Variants in CREG2 observed in about 807,000 individuals in gnomAD.
CREG2 encodes protein CREG2.
Under a neutral mutation model 26.2 loss-of-function variants are expected in CREG2, and 24 were observed. That is an observed-to-expected ratio of 0.92 (90% confidence interval 0.66 to 1.29). The LOEUF (loss-of-function observed/expected upper bound fraction) is 1.29. Among genes scored for constraint, CREG2 ranks in the 50% most tolerant of loss-of-function variants. CREG2 has a pLI of 0.00. For synonymous variants in CREG2, 174 were observed against 169.2 expected, an observed-to-expected ratio of 1.03 and a Z score of -0.22; for missense variants, 366 against 398.6, an observed-to-expected ratio of 0.92 and a Z score of 0.70.
intron 2 of CREG2, chr2:101,376,140 A>T (rs1269552587): frequency 6.5e-6 from 1 of 153,924 alleles, no homozygotes; most frequent in Admixed American, 6.5e-5. Flanking sequence ...TATTGAAGGA[A>T]AGGGAAACTG....
In CREG2 at chr2:101,348,326, T is replaced by A. The variant is rs1007860253; in HGVS notation, c.*2597A>T. 4 of 152,366 alleles carry A rather than the reference T, an allele frequency of 2.6e-5. No homozygotes were observed. The highest frequency in any genetic ancestry group is 9.6e-5 in the African/African-American group (4 of 41,586). 9.4% of individuals were successfully genotyped at this position (152,366 alleles called of 1,614,324 possible). A position where few individuals can be genotyped will look rare whatever the true frequency, so the allele number is the denominator to read the frequency against. On this transcript the variant is annotated 3_prime_UTR_variant, in exon 4 of 4. Coordinates refer to ENST00000324768, the MANE Select transcript of CREG2 (RefSeq NM_153836.4). ...AACTTTTAAAATAAGCTTGTATAGG[T>A]CTACAAAATCCTTGTTGAGATTTTG...
rs1342636498 is a variant in CREG2 at position 101,349,459 on chromosome 2, G to GA, written c.*1463dup. 1.3e-5 allele frequency: 2 copies of GA among 152,536 alleles called. No homozygotes were observed. Among genetic ancestry groups the GA allele is most frequent in the African/African-American group, 4.8e-5 (2 of 41,420 alleles). 9.4% of individuals were successfully genotyped at this position (152,536 alleles called of 1,614,324 possible). On this transcript the variant is annotated 3_prime_UTR_variant, in exon 4 of 4. Transcript: ENST00000324768. The stretch of plus-strand genomic sequence containing the variant: ...TCATTAATAACACTCTTATTTACTT[G>GA]AAAAATGTATATTTCCTACATATAG...
At chr2:101,355,137 G>C in intron 3 of CREG2, 116 bp downstream of exon 3, 2 of 686,924 alleles carry the variant, frequency 2.9e-6, no homozygotes, top group Non-Finnish European at 5.2e-6. Context: ...TATTCCCACC[G>C]AAGGGCAGTG....
chr2:101,357,874 G>A (rs1684484632), intron 2 of CREG2, among the ~76,000 whole-genome samples: 1 of 151,422 alleles, frequency 6.6e-6, no homozygotes, highest in African/African-American at 2.4e-5. Context: ...CTACTTGGGA[G>A]GCTGAGGCGG....
At chr2:101,374,577 T>G (rs1684760212) in intron 2 of CREG2, among the ~76,000 whole-genome samples, 1 of 152,252 alleles carries the variant, frequency 6.6e-6, no homozygotes, top group Non-Finnish European at 1.5e-5. Flanking sequence ...CCCTGGGCTT[T>G]GAAATGCACA....
chr2:101,354,973 C>T (rs766137397), intron 3 of CREG2, among the ~76,000 whole-genome samples: 8 of 151,846 alleles, frequency 5.3e-5, no homozygotes, highest in Non-Finnish European at 8.8e-5. Context: ...ACGAGGAAGG[C>T]TCAGCTATTT....
chr2:101,387,222 TG>T lies in CREG2; in HGVS notation c.235del (p.His79ThrfsTer97). ...GGGCCGCAGGTGCGCGTCCTCCTTG[TG>T]GGCAGAGGCGGGGAAGCTTTGCTGC... ...IWQQSFPASA[H>X]KEDAHLRPRA... On this transcript the variant is annotated frameshift_variant, in exon 1 of 4. Transcript: ENST00000324768. LOFTEE classifies it high-confidence loss of function. The surrounding 1 kb of genome is among the most constrained non-coding windows in gnomAD (Gnocchi z 4.7). 7.1e-7 allele frequency: 1 copy of T among 1,413,862 alleles called. No individual in the cohort carries two copies. 87.6% of individuals were successfully genotyped at this position (1,413,862 alleles called of 1,614,324 possible).
intron 2 of CREG2, among the ~76,000 whole-genome samples, chr2:101,362,426 T>C (rs1376269683): frequency 6.6e-6 from 1 of 152,204 alleles, no homozygotes; most frequent in Non-Finnish European, 1.5e-5. Flanking sequence ...TGAGCTTACT[T>C]TTCTATTTCT....
At chr2:101,386,944 G>T in intron 1 of CREG2, 73 bp downstream of exon 1, 1 of 1,221,302 alleles carries the variant, frequency 8.2e-7, no homozygotes, top group South Asian at 4.1e-5. Flanking sequence ...GCGGTCGCGA[G>T]CACGTCCCTG....
intron 2 of CREG2, among the ~76,000 whole-genome samples, chr2:101,366,016 C>G (rs1684611973): frequency 6.6e-6 from 1 of 152,120 alleles, no homozygotes; most frequent in Non-Finnish European, 1.5e-5. Flanking sequence ...AGTTATTATT[C>G]CCCAGTTTAC....
intron 2 of CREG2, among the ~76,000 whole-genome samples, chr2:101,361,884 CA>C (rs1376879806): frequency 3.3e-5 from 5 of 152,054 alleles, no homozygotes; most frequent in Admixed American, 3.3e-4. Flanking sequence ...TGCATGCTGT[CA>C]ATTGGTGAGA....
At chr2:101,371,905 G>A (rs1047502941) in intron 2 of CREG2, among the ~76,000 whole-genome samples, 1 of 152,268 alleles carries the variant, frequency 6.6e-6, no homozygotes, top group Admixed American at 6.5e-5. Flanking sequence ...AAATCGGTGA[G>A]GGAACTCTAG....
intron 2 of CREG2, among the ~76,000 whole-genome samples, chr2:101,374,732 C>CT (rs974117887): frequency 6.6e-5 from 10 of 152,204 alleles, no homozygotes; most frequent in African/African-American, 2.4e-4. Flanking sequence ...AAATCCAGTT[C>CT]TAGGGGAACA....
At position 101,350,656 on chromosome 2, in the gene CREG2, G is replaced by C. The variant is rs1444052409; in HGVS notation, c.*267C>G. The C allele has an allele frequency of 3.1e-6, 1 of 323,102 alleles. No individual in the cohort carries two copies. The highest frequency in any genetic ancestry group is 2.1e-5 in the African/African-American group (1 of 46,968). 20.0% of individuals were successfully genotyped at this position (323,102 alleles called of 1,614,324 possible). A position where few individuals can be genotyped will look rare whatever the true frequency, so the allele number is the denominator to read the frequency against. The stretch of plus-strand genomic sequence containing the variant: ...TCATTTTGACCACCAGCTATTATAT[G>C]ATTTCTGAATCGATGAGTCTGGATT... On this transcript the variant is annotated 3_prime_UTR_variant, in exon 4 of 4. Transcript: ENST00000324768.
At chr2:101,351,106 C>T in intron 3 of CREG2, 36 bp from the exon 4 acceptor site, 7 of 1,605,804 alleles carry the variant, frequency 4.4e-6, no homozygotes, top group Non-Finnish European at 5.1e-6. Flanking sequence ...TAAAGCTGCT[C>T]TTATCAGAGA....
At chr2:101,374,215 T>C (rs1031382395) in intron 2 of CREG2, among the ~76,000 whole-genome samples, 9 of 152,152 alleles carry the variant, frequency 5.9e-5, no homozygotes, top group East Asian at 1.9e-4. Context: ...CCATCTCAAC[T>C]AAAAATACAA....
chr2:101,376,576 G>A (rs947825779), intron 2 of CREG2, among the ~76,000 whole-genome samples: 1 of 152,110 alleles, frequency 6.6e-6, no homozygotes, highest in African/African-American at 2.4e-5. Flanking sequence ...CACCTCACCT[G>A]GCCCAGAATT....
In CREG2 at chr2:101,386,646, G is replaced by T. The variant is rs187262502; in HGVS notation, c.441+371C>A. Among the ~76,000 whole-genome samples, 185 of 152,172 alleles carry T rather than the reference G, an allele frequency of 1.2e-3. 1 individual carries two copies. In the East Asian group the frequency reaches 0.034, roughly 28 times the overall value. On this transcript the variant is annotated intron_variant, in intron 1 of 3. Transcript: ENST00000324768. ...GTCTATGGGTTTGTGCCCTGCGCTGGGAAGGGCTGTCCCCGCCTACTCTGC... is the reference window on the plus strand; with the variant it reads ...GTCTATGGGTTTGTGCCCTGCGCTGTGAAGGGCTGTCCCCGCCTACTCTGC...
Position 101,374,745 on chromosome 2 carries a change from T to A in CREG2, c.611+8788A>T, listed in dbSNP as rs1684763883. Among the ~76,000 whole-genome samples the A allele has an allele frequency of 3.3e-5, 5 of 152,340 alleles. No individual in the cohort carries two copies. The South Asian group carries it at 1.0e-3, about 32-fold the overall frequency. Reference sequence around the variant, plus strand: ...CTAAATCCAGTTCTAGGGGAACAAATCCCAGGCCTGCCTTTGGAATTAGAT... The same window carrying A: ...CTAAATCCAGTTCTAGGGGAACAAAACCCAGGCCTGCCTTTGGAATTAGAT... On this transcript the variant is annotated intron_variant, in intron 2 of 3. Coordinates refer to ENST00000324768, the MANE Select transcript of CREG2 (RefSeq NM_153836.4).
Sources: gnomAD v4.1 joint callset for allele counts (sites outside exome capture counted in the v4.1 genomes callset) on GRCh38, gnomAD v4.1.1 for gene constraint, Gnocchi (gnomAD v3.1) non-coding constraint, MANE v1.5 for transcripts, NCBI Gene and HGNC (gene_info 2026-07-23, HGNC 2026-07-21) for gene names.